Variants in PIK3R5 observed in about 807,000 individuals in gnomAD.
PIK3R5 encodes the protein phosphoinositide-3-kinase regulatory subunit 5.
In PIK3R5, 32 loss-of-function variants were observed where a neutral mutation model predicts 94.9. The observed-to-expected ratio is 0.34, with a 90% CI of 0.25 to 0.45. PIK3R5 has a LOEUF of 0.45. Among genes scored for constraint, PIK3R5 ranks in the 20% least tolerant of loss-of-function variants. The pLI, the probability that PIK3R5 is intolerant of heterozygous loss-of-function variation, is 1.00. For missense variants in PIK3R5, 853 were observed against 1,144.6 expected, an observed-to-expected ratio of 0.75 and a Z score of 3.68; for synonymous variants, 443 against 479.4, an observed-to-expected ratio of 0.92 and a Z score of 0.99.
Position 8,888,592 on chromosome 17 carries a change from A to G in PIK3R5, c.1195T>C (p.Ser399Pro). The G allele has an allele frequency of 6.2e-7, 1 of 1,612,242 alleles. No homozygotes were observed. The highest frequency in any genetic ancestry group is 8.5e-7 in the Non-Finnish European group (1 of 1,179,476). Reference sequence around the variant, plus strand: ...CCACGCCTCCAAGGCCACTCGGAGGAGCTCTCCTCGCTGTCCTCCACGTAG... The same window carrying G: ...CCACGCCTCCAAGGCCACTCGGAGGGGCTCTCCTCGCTGTCCTCCACGTAG... Reference protein sequence around the residue: ...SGYVEDSEESSSEWPWRRGSQ... With the variant: ...SGYVEDSEESPSEWPWRRGSQ... Residue 399 changes from serine (S) to proline (P), a missense_variant, in exon 10 of 19, where the codon TCC becomes CCC. Coordinates refer to ENST00000447110, the MANE Select transcript of PIK3R5 (RefSeq NM_001142633.3). The surrounding 1 kb of genome is among the most constrained non-coding windows in gnomAD (Gnocchi z 7.8).
Position 8,884,848 on chromosome 17 carries a change from G to A in PIK3R5, c.2129-65C>T, listed in dbSNP as rs2151353470. 1.4e-6 allele frequency: 2 copies of A among 1,425,648 alleles called. No homozygotes were observed. The highest frequency in any genetic ancestry group is 4.5e-5 in the East Asian group (2 of 43,984). 88.3% of individuals were successfully genotyped at this position (1,425,648 alleles called of 1,614,324 possible). Reference sequence around the variant, plus strand: ...TCCCCGGCTCCTCACGAACGCAGTGGCCTTGCCTCCCTGGGCCTTACCTCC... The same window carrying A: ...TCCCCGGCTCCTCACGAACGCAGTGACCTTGCCTCCCTGGGCCTTACCTCC... On this transcript the variant is annotated intron_variant, in intron 14 of 18. Transcript: ENST00000447110. This position sits in a 1 kb window ranked among gnomAD's most constrained non-coding sequence, Gnocchi z 5.8.
Position 8,893,154 on chromosome 17 carries a change from T to G in PIK3R5, c.482+432A>C, listed in dbSNP as rs931673321. On this transcript the variant is annotated intron_variant, in intron 6 of 18. Transcript: ENST00000447110. This position sits in a 1 kb window ranked among gnomAD's most constrained non-coding sequence, Gnocchi z 5.1. Reference sequence around the variant, plus strand: ...CCTGGTCAAAAAAGTTTGGAAACACTGTTTTAGTAACAGACAGAAGGAGAT... The same window carrying G: ...CCTGGTCAAAAAAGTTTGGAAACACGGTTTTAGTAACAGACAGAAGGAGAT... Among the ~76,000 whole-genome samples the G allele has an allele frequency of 5.5e-4, 83 of 151,926 alleles. 2 individuals are homozygous for G. The highest frequency in any genetic ancestry group is 1.5e-5 in the Non-Finnish European group (1 of 68,026).
At chr17:8,899,131 T>C (rs1177702512) in intron 5 of PIK3R5, among the ~76,000 whole-genome samples, 1 of 152,214 alleles carries the variant, frequency 6.6e-6, no homozygotes, top group Non-Finnish European at 1.5e-5. Flanking sequence ...AAGAGGGCTG[T>C]GGTGGGCAGG....
chr17:8,932,433 C>T (rs1328719402), intron 1 of PIK3R5, among the ~76,000 whole-genome samples: 3 of 152,112 alleles, frequency 2.0e-5, no homozygotes, highest in African/African-American at 4.8e-5. Context: ...CAGGGTTTCA[C>T]CATGTGGGTT....
chr17:8,958,751 T>TC (rs2091506875), intron 1 of PIK3R5, among the ~76,000 whole-genome samples: 1 of 150,886 alleles, frequency 6.6e-6, no homozygotes, highest in Non-Finnish European at 1.5e-5. Context: ...CCTTTTTTTT[T>TC]CTCTCTCTCT....
rs181534 is a variant in PIK3R5, at chr17:8,909,366, T to A, written c.104-192A>T. Among the ~76,000 whole-genome samples, 1 of 151,614 alleles carries A rather than the reference T, an allele frequency of 6.6e-6. No individual in the cohort carries two copies. Among genetic ancestry groups the A allele is most frequent in the Non-Finnish European group, 1.5e-5 (1 of 67,862 alleles). Reference sequence around the variant, plus strand: ...GTGCAGTGGTGCGATCTCAGCTCACTGCAACCTCTGCCTCCCGGGTTCAAG... The same window carrying A: ...GTGCAGTGGTGCGATCTCAGCTCACAGCAACCTCTGCCTCCCGGGTTCAAG... On this transcript the variant is annotated intron_variant, in intron 2 of 18. Coordinates refer to ENST00000447110, the MANE Select transcript of PIK3R5 (RefSeq NM_001142633.3). This position sits in a 1 kb window ranked among gnomAD's most constrained non-coding sequence, Gnocchi z 4.3.
At position 8,892,280 on chromosome 17, in the gene PIK3R5, C is replaced by G. The variant is rs2090046765; in HGVS notation, c.482+1306G>C. Among the ~76,000 whole-genome samples the G allele has an allele frequency of 6.6e-6, 1 of 152,164 alleles. No individual in the cohort carries two copies. The highest frequency in any genetic ancestry group is 2.4e-5 in the African/African-American group (1 of 41,426). ...AAGAAACTCACTTTGATTTCTCTAT[C>G]TGTAAGAAAAAGGAGGTGGGCTTGT... is the stretch of plus-strand genomic sequence containing the variant. On this transcript the variant is annotated intron_variant, in intron 6 of 18. Coordinates refer to ENST00000447110, the MANE Select transcript of PIK3R5 (RefSeq NM_001142633.3). The surrounding 1 kb of genome is among the most constrained non-coding windows in gnomAD (Gnocchi z 4.3).
At chr17:8,928,797 A>G in intron 1 of PIK3R5, among the ~76,000 whole-genome samples, 1 of 152,240 alleles carries the variant, frequency 6.6e-6, no homozygotes, top group East Asian at 1.9e-4. Flanking sequence ...AAAAGAAAGA[A>G]ATCTTGGAAC....
At chr17:8,894,544 C>G (rs1438575179) in intron 5 of PIK3R5, among the ~76,000 whole-genome samples, 1 of 152,220 alleles carries the variant, frequency 6.6e-6, no homozygotes, top group Non-Finnish European at 1.5e-5. Context: ...TTCTCCCTGG[C>G]CCTTCCCCCT....
At chr17:8,943,858 G>T (rs372773505) in intron 1 of PIK3R5, among the ~76,000 whole-genome samples, 4 of 150,896 alleles carry the variant, frequency 2.7e-5, no homozygotes, top group Admixed American at 2.6e-4. Flanking sequence ...CTGAAACATT[G>T]TCTGCTGTAC....
At position 8,925,366 on chromosome 17, in the gene PIK3R5, A is replaced by G. The variant is rs1414588655; in HGVS notation, c.-13-13859T>C. On this transcript the variant is annotated intron_variant, in intron 1 of 18. Transcript: ENST00000447110. The surrounding 1 kb of genome is among the most constrained non-coding windows in gnomAD (Gnocchi z 5.1). The stretch of plus-strand genomic sequence containing the variant: ...TTGATAGATAGATGGATTGATAGAT[A>G]GTAGATGGATAGATAGATAGATAGT... Among the ~76,000 whole-genome samples, 1 of 151,646 alleles carries G rather than the reference A, an allele frequency of 6.6e-6. No individual in the cohort carries two copies. Among genetic ancestry groups the G allele is most frequent in the African/African-American group, 2.4e-5 (1 of 41,070 alleles).
At chr17:8,964,780 A>G (rs564775280) in intron 1 of PIK3R5, among the ~76,000 whole-genome samples, 1 of 152,260 alleles carries the variant, frequency 6.6e-6, no homozygotes, top group South Asian at 2.1e-4. Context: ...GTCAGTCCAG[A>G]GAGGACCTTG....
intron 1 of PIK3R5, among the ~76,000 whole-genome samples, chr17:8,936,722 A>G (rs1269122246): frequency 1.3e-5 from 2 of 152,240 alleles, no homozygotes; most frequent in East Asian, 3.9e-4. Context: ...TTCTTCTTCA[A>G]TGTTGTGTTG....
At chr17:8,903,512 A>C (rs55739732) in intron 5 of PIK3R5, among the ~76,000 whole-genome samples, 30,816 of 149,718 alleles carry the variant, frequency 0.21, 3,367 homozygotes, top group African/African-American at 0.24. Flanking sequence ...TTTATATATT[A>C]TGTTTTTTAG....
chr17:8,881,879 C>A lies in PIK3R5; in HGVS notation c.2208G>T (p.Gly736=), dbSNP rs750213729. ...PLTLQIIYSK[G]AISGRSRWSN... Reference sequence around the variant, plus strand: ...TCCAGCGACTTCGTCCACTGATGGCCCCCTGGAAATGCAGTGTAGCCAGAC... The same window carrying A: ...TCCAGCGACTTCGTCCACTGATGGCACCCTGGAAATGCAGTGTAGCCAGAC... Residue 736 remains glycine, a splice_region_variant and synonymous_variant, in exon 16 of 19, where the codon GGG becomes GGT. Transcript: ENST00000447110. The surrounding 1 kb of genome is among the most constrained non-coding windows in gnomAD (Gnocchi z 4.8). 7.4e-6 allele frequency: 12 copies of A among 1,612,562 alleles called. No homozygotes were observed. The highest frequency in any genetic ancestry group is 3.3e-5 in the Admixed American group (2 of 59,854).
chr17:8,935,840 G>T lies in PIK3R5; in HGVS notation c.-13-24333C>A, dbSNP rs1287154227. 6.6e-6 allele frequency among the ~76,000 whole-genome samples: 1 copy of T among 151,996 alleles called. No individual in the cohort carries two copies. The highest frequency in any genetic ancestry group is 1.5e-5 in the Non-Finnish European group (1 of 68,006). On this transcript the variant is annotated intron_variant, in intron 1 of 18. Transcript: ENST00000447110. The surrounding 1 kb of genome is among the most constrained non-coding windows in gnomAD (Gnocchi z 4.5). ...GAGGCTGAGGCGGGCGGATCACGAG[G>T]TCAGGAGATCGAGACTATACTGGCT...
At chr17:8,886,401 G>C in intron 13 of PIK3R5, 76 bp downstream of exon 13, 1 of 1,600,422 alleles carries the variant, frequency 6.2e-7, no homozygotes, top group Non-Finnish European at 8.5e-7. Flanking sequence ...AGACCTGCTG[G>C]CTCTCCCGGG....
At chr17:8,942,963 T>TATACACAC (rs2091211707) in intron 1 of PIK3R5, among the ~76,000 whole-genome samples, 1 of 149,068 alleles carries the variant, frequency 6.7e-6, no homozygotes, top group Admixed American at 6.7e-5. Flanking sequence ...GATCACGTCA[T>TATACACAC]ACACACACAC....
chr17:8,888,705 A>C lies in PIK3R5; in HGVS notation c.1082T>G (p.Leu361Arg), dbSNP rs1431489734. 1.9e-6 allele frequency: 3 copies of C among 1,613,808 alleles called. No individual in the cohort carries two copies. The highest frequency in any genetic ancestry group is 2.5e-6 in the Non-Finnish European group (3 of 1,180,022). ...CGGCCCCGAGGCCTGGGAGGATGCA[A>C]GGGACAAGGTGGAGTCATGGGACGC... ...SLASHDSTLS[L>R]ASSQASGPAL... The change falls in exon 10 of 19, where the codon CTT (leucine) becomes CGT (arginine). Residue 361 changes from leucine (L) to arginine (R), a missense_variant. This residue lies in a region of PIK3R5 where 319 missense variants were observed against 339.8 expected (regional missense o/e 0.94). Transcript: ENST00000447110. This position sits in a 1 kb window ranked among gnomAD's most constrained non-coding sequence, Gnocchi z 7.8.
Sources: allele counts gnomAD v4.1 joint callset (sites outside exome capture counted in the v4.1 genomes callset), GRCh38; gene constraint gnomAD v4.1.1; regional missense constraint gnomAD v4.1.1; non-coding constraint Gnocchi (gnomAD v3.1); transcripts MANE v1.5; gene names NCBI Gene and HGNC (gene_info 2026-07-23, HGNC 2026-07-21).